COQ2: variants seen among roughly 807,000 people sequenced by gnomAD.
The protein encoded by COQ2 is coenzyme Q2, polyprenyltransferase, also known as 4-hydroxybenzoate polyprenyltransferase, mitochondrial.
COQ2 carries 25 observed loss-of-function variants against 35.7 expected under a neutral mutation model. The ratio of observed to expected loss-of-function variants is 0.70; its 90% CI spans 0.51 to 0.98. The LOEUF is 0.98. COQ2 is among the 50% of genes least tolerant of loss of function. COQ2 has a pLI of 0.00. For missense variants in COQ2, 488 were observed against 473.5 expected (o/e 1.03, Z -0.28); for synonymous variants, 206 against 186.2 (o/e 1.11, Z -0.86).
Position 83,284,731 on chromosome 4 carries a change from C to G in COQ2, c.34G>C (p.Gly12Arg), listed in dbSNP as rs863223934. Residue 12 changes from glycine to arginine, a missense_variant, in exon 1 of 7, where the codon GGC becomes CGC. Physicochemically the swap from Gly to Arg is moderately radical, Grantham distance 125. Transcript: ENST00000647002. Reference sequence around the variant, plus strand: ...CACGCCAGTGCCACAGCCCGCAGGCCCCGCGCGAACCCCGCGGCTCGCGAG... The same window carrying G: ...CACGCCAGTGCCACAGCCCGCAGGCGCCGCGCGAACCCCGCGGCTCGCGAG... ...LGSRAAGFAR[G>R]LRAVALAWLP... The G allele has an allele frequency of 6.6e-6, 10 of 1,521,142 alleles. No homozygotes were observed. Among genetic ancestry groups the G allele is most frequent in the African/African-American group, 1.4e-5 (1 of 70,200 alleles). 94.2% of individuals were successfully genotyped at this position (1,521,142 alleles called of 1,614,324 possible).
At chr4:83,284,351 G>A (rs991195895) in intron 1 of COQ2, 161 bp downstream of exon 1, 5 of 984,930 alleles carry the variant, frequency 5.1e-6, no homozygotes, top group Non-Finnish European at 6.0e-6. Context: ...AAAGTGTCCC[G>A]AGGTGATTCG....
At chr4:83,272,747 C>T (rs1418118780) in intron 3 of COQ2, among the ~76,000 whole-genome samples, 1 of 151,942 alleles carries the variant, frequency 6.6e-6, no homozygotes, top group Admixed American at 6.6e-5. Flanking sequence ...TCAAGATATC[C>T]CTCCTTATAT....
intron 1 of COQ2, 88 bp downstream of exon 1, chr4:83,284,424 C>T (rs923544772): frequency 3.2e-5 from 46 of 1,457,182 alleles, no homozygotes; most frequent in Non-Finnish European, 4.1e-5. Context: ...TCCATCACGC[C>T]CCGGCCGGCC....
intron 1 of COQ2, among the ~76,000 whole-genome samples, chr4:83,281,961 GT>G (rs796667190): frequency 0.027 from 3,781 of 142,010 alleles, 137 homozygotes; most frequent in African/African-American, 0.084. Context: ...TCCTAGCAAT[GT>G]TTTTTTTTTT....
Position 83,284,793 on chromosome 4 carries a change from AT to A in COQ2, c.-30del, listed in dbSNP as rs1418018696. 15 of 1,569,092 alleles carry A rather than the reference AT, an allele frequency of 9.6e-6. No homozygotes were observed. The highest frequency in any genetic ancestry group is 1.4e-5 in the African/African-American group (1 of 73,756). On this transcript the variant is annotated 5_prime_UTR_variant, in exon 1 of 7. Coordinates refer to ENST00000647002, the MANE Select transcript of COQ2 (RefSeq NM_001358921.2). ...GCTGGTGAGGCCGGGACGAGCTCGG[AT>A]TGACGTCATTCCCCGGCAGGCATGC...
In COQ2 at chr4:83,272,157, T is replaced by C. The variant is rs1354488681; in HGVS notation, c.558A>G (p.Ala186=). The stretch of plus-strand genomic sequence containing the variant: ...AGGTGATGACAAGAAGTAAGGATCC[T>C]GCTCCCAGAGCTATACTGAAAAGAG... The part of the protein sequence containing the change: ...CLNYYSIALG[A]GSLLLVITYP... The change falls in exon 4 of 7, where the codon GCA becomes GCG. Residue 186 remains alanine, a synonymous_variant. Coordinates refer to ENST00000647002, the MANE Select transcript of COQ2 (RefSeq NM_001358921.2). 2 of 1,609,586 alleles carry C rather than the reference T, an allele frequency of 1.2e-6. No individual in the cohort carries two copies. The highest frequency in any genetic ancestry group is 1.1e-5 in the South Asian group (1 of 90,148).
chr4:83,273,685 A>G, intron 2 of COQ2, 68 bp from the exon 3 acceptor site: 8 of 1,494,688 alleles, frequency 5.4e-6, no homozygotes, highest in Non-Finnish European at 7.4e-6. Context: ...ACATTTAATG[A>G]AGAGACTGGC....
At chr4:83,270,881 C>A (rs1735032988) in intron 4 of COQ2, among the ~76,000 whole-genome samples, 1 of 152,090 alleles carries the variant, frequency 6.6e-6, no homozygotes, top group African/African-American at 2.4e-5. Context: ...AGTAAATATA[C>A]CAGCTTCTTA....
intron 1 of COQ2, among the ~76,000 whole-genome samples, chr4:83,279,860 C>CT (rs11420227): frequency 0.82 from 106,602 of 130,088 alleles, 45,870 homozygotes; most frequent in East Asian, 0.98. Flanking sequence ...ACGGTCTAGT[C>CT]TTTTTTTTTT....
rs1262453452 is a variant in COQ2, at chr4:83,283,307, T to A, written c.253+1205A>T. Reference sequence around the variant, plus strand: ...GCAATGGCAAATGTCATCATCTAGATTGGCTGGAGTTCATCCTTCACTTCT... The same window carrying A: ...GCAATGGCAAATGTCATCATCTAGAATGGCTGGAGTTCATCCTTCACTTCT... On this transcript the variant is annotated intron_variant, in intron 1 of 6. Coordinates refer to ENST00000647002, the MANE Select transcript of COQ2 (RefSeq NM_001358921.2). The A allele has an allele frequency of 5.1e-6, 5 of 985,326 alleles. No homozygotes were observed. The South Asian group carries it at 2.3e-4, about 46-fold the overall frequency. The allele number at this position is 985,326 out of a possible 1,614,324, so 61.0% of individuals were successfully genotyped here.
At position 83,282,541 on chromosome 4, in the gene COQ2, G is replaced by A. The variant is rs1735349643; in HGVS notation, c.253+1971C>T. Reference sequence around the variant, plus strand: ...AATCCTGTAATGATCACCTTATTTAGAACCAAACCATGCAGGCTGGTATCT... The same window carrying A: ...AATCCTGTAATGATCACCTTATTTAAAACCAAACCATGCAGGCTGGTATCT... On this transcript the variant is annotated intron_variant, in intron 1 of 6. Transcript: ENST00000647002. 7.1e-6 allele frequency: 6 copies of A among 847,338 alleles called. No homozygotes were observed. In the South Asian group the frequency reaches 3.2e-4, roughly 46 times the overall value. 52.5% of individuals were successfully genotyped at this position (847,338 alleles called of 1,614,324 possible).
chr4:83,279,163 CTG>C lies in COQ2; in HGVS notation c.254-51_254-50del, dbSNP rs1204361975. ...AAAGGTACAAATTTAAGTCAGTTAACTGTTTTCATTTGTTTAAACATCACATA... is the reference window on the plus strand; with the variant it reads ...AAAGGTACAAATTTAAGTCAGTTAACTTTTCATTTGTTTAAACATCACATA... On this transcript the variant is annotated intron_variant, in intron 1 of 6. Transcript: ENST00000647002. 8.0e-6 allele frequency: 12 copies of C among 1,497,562 alleles called. No individual in the cohort carries two copies. In the African/African-American group the frequency reaches 1.7e-4, roughly 21 times the overall value. 92.8% of individuals were successfully genotyped at this position (1,497,562 alleles called of 1,614,324 possible).
At position 83,272,183 on chromosome 4, in the gene COQ2, G is replaced by C; in HGVS notation, c.543-11C>G. 6.3e-7 allele frequency: 1 copy of C among 1,578,766 alleles called. No individual in the cohort carries two copies. Among genetic ancestry groups the C allele is most frequent in the Non-Finnish European group, 8.7e-7 (1 of 1,155,052 alleles). Reference sequence around the variant, plus strand: ...GCTCCCAGAGCTATACTGAAAAGAGGAAAAACCATTAAAGTGATTATTACC... The same window carrying C: ...GCTCCCAGAGCTATACTGAAAAGAGCAAAAACCATTAAAGTGATTATTACC... On this transcript the variant is annotated splice_polypyrimidine_tract_variant and intron_variant, in intron 3 of 6. Transcript: ENST00000647002.
rs1300390604 is a variant in COQ2 at position 83,278,976 on chromosome 4, T to C, written c.392A>G (p.Asp131Gly). 5 of 1,605,828 alleles carry C rather than the reference T, an allele frequency of 3.1e-6. No homozygotes were observed. In the South Asian group the frequency reaches 5.6e-5, roughly 18 times the overall value. The change falls in exon 2 of 7, where the codon GAC becomes GGC. Residue 131 changes from aspartate to glycine, a missense_variant. Physicochemically the swap from Asp to Gly is moderately conservative, Grantham distance 94. Transcript: ENST00000647002. Reference protein sequence around the residue: ...LMRGAGCTINDMWDQDYDKKV... With the variant: ...LMRGAGCTINGMWDQDYDKKV... ...TTTATCATAGTCCTGGTCCCACATG[T>C]CATTAATAGTACAGCCTGCTCCACG...
Position 83,268,465 on chromosome 4 carries a change from C to T in COQ2, c.763-691G>A, listed in dbSNP as rs370012161. Among the ~76,000 whole-genome samples, 16 of 152,282 alleles carry T rather than the reference C, an allele frequency of 1.1e-4. No individual in the cohort carries two copies. The East Asian group carries it at 2.3e-3, about 22-fold the overall frequency. ...TGCTGAACTCTCTGCACTGACCTACCGGCAGACAGCAACCTGACAGGCTCT... is the reference window on the plus strand; with the variant it reads ...TGCTGAACTCTCTGCACTGACCTACTGGCAGACAGCAACCTGACAGGCTCT... On this transcript the variant is annotated intron_variant, in intron 5 of 6. Transcript: ENST00000647002.
At chr4:83,267,541 T>C in intron 6 of COQ2, 45 bp downstream of exon 6, 1 of 1,487,200 alleles carries the variant, frequency 6.7e-7, no homozygotes, top group Non-Finnish European at 9.0e-7. Context: ...ATTTTTATAA[T>C]TTATACCAAG....
chr4:83,267,344 T>C (rs1734943224), intron 6 of COQ2: 1 of 427,020 alleles, frequency 2.3e-6, no homozygotes, highest in African/African-American at 2.0e-5. Context: ...ACCACTGCAC[T>C]CCAGCCTGGA....
At chr4:83,270,120 G>GGTTC in intron 4 of COQ2, 127 bp from the exon 5 acceptor site, 1 of 1,013,112 alleles carries the variant, frequency 9.9e-7, no homozygotes, top group Non-Finnish European at 1.4e-6. Flanking sequence ...GCTTTCTGTG[G>GGTTC]GTTCCTTCCT....
chr4:83,284,502 C>G lies in COQ2; in HGVS notation c.253+10G>C, dbSNP rs1480650898. 1.3e-6 allele frequency: 2 copies of G among 1,562,118 alleles called. No homozygotes were observed. The highest frequency in any genetic ancestry group is 1.9e-5 in the Admixed American group (1 of 53,494). On this transcript the variant is annotated intron_variant, in intron 1 of 6. Transcript: ENST00000647002. Reference sequence around the variant, plus strand: ...GCAAATTCCCGGGCTGCCCGCCCGCCCGCACTCACCAATGGGCTTGTCCAA... The same window carrying G: ...GCAAATTCCCGGGCTGCCCGCCCGCGCGCACTCACCAATGGGCTTGTCCAA...
Sources: gnomAD v4.1 joint callset for allele counts (sites outside exome capture counted in the v4.1 genomes callset) on GRCh38, gnomAD v4.1.1 for gene constraint, MANE v1.5 for transcripts, NCBI Gene and HGNC (gene_info 2026-07-23, HGNC 2026-07-21) for gene names.